ERBB4: variants seen among roughly 807,000 people sequenced by gnomAD.
The protein encoded by ERBB4 is erb-b2 receptor tyrosine kinase 4.
In ERBB4, 42 loss-of-function variants were observed where a neutral mutation model predicts 158.0. The ratio of observed to expected loss-of-function variants is 0.27; its 90% CI spans 0.21 to 0.34. ERBB4 has a LOEUF of 0.34. Among genes scored for constraint, ERBB4 ranks in the 10% least tolerant of loss-of-function variants. The pLI, the probability that ERBB4 is intolerant of heterozygous loss-of-function variation, is 1.00. For synonymous variants in ERBB4, 583 were observed against 558.7 expected (o/e 1.04, Z -0.61); for missense variants, 1,333 against 1,624.1 (o/e 0.82, Z 3.08).
rs80109488 is a variant in ERBB4, at chr2:211,550,937, C to T, written c.2487+10966G>A. Among the ~76,000 whole-genome samples, 1,090 of 150,932 alleles carry T rather than the reference C, an allele frequency of 7.2e-3. 15 individuals carry two copies. The highest frequency in any genetic ancestry group is 0.025 in the African/African-American group (1,032 of 41,206). On this transcript the variant is annotated intron_variant, in intron 20 of 27. Coordinates refer to ENST00000342788, the MANE Select transcript of ERBB4 (RefSeq NM_005235.3). ...CGCAAGAATTCCATTATTAGGTTCC[C>T]CCCGACCACCTTTTTTGTTGGGGGA... is the stretch of plus-strand genomic sequence containing the variant.
intron 14 of ERBB4, among the ~76,000 whole-genome samples, chr2:211,672,403 G>A (rs1185675303): frequency 3.3e-5 from 5 of 152,028 alleles, no homozygotes. Flanking sequence ...TCAAATGATG[G>A]AAACCAAAGA....
intron 5 of ERBB4, among the ~76,000 whole-genome samples, chr2:211,725,819 G>C (rs2074248001): frequency 7.0e-6 from 1 of 143,222 alleles, no homozygotes; most frequent in Non-Finnish European, 1.6e-5. Context: ...TTTACACGAG[G>C]AAAGAAAGGA....
At chr2:211,663,150 T>C (rs2105913469) in intron 15 of ERBB4, among the ~76,000 whole-genome samples, 1 of 152,314 alleles carries the variant, frequency 6.6e-6, no homozygotes, top group African/African-American at 2.4e-5. Context: ...TGAACTGCAA[T>C]AGAATTTATA....
chr2:212,118,823 G>A lies in ERBB4; in HGVS notation c.234+5929C>T, dbSNP rs369739013. Among the ~76,000 whole-genome samples, 6 of 152,012 alleles carry A rather than the reference G, an allele frequency of 3.9e-5. No individual in the cohort carries two copies. In the East Asian group the frequency reaches 7.7e-4, roughly 20 times the overall value. The stretch of plus-strand genomic sequence containing the variant: ...TAAAAGCAAATTATGTTTTTCAAAT[G>A]TGTTACCTTTTCATAATAACATGCA... On this transcript the variant is annotated intron_variant, in intron 2 of 27. Coordinates refer to ENST00000342788, the MANE Select transcript of ERBB4 (RefSeq NM_005235.3).
In ERBB4 at chr2:211,593,788, C is replaced by T. The variant is rs184433734; in HGVS notation, c.2301+25389G>A. Among the ~76,000 whole-genome samples the T allele has an allele frequency of 3.3e-5, 5 of 152,278 alleles. No homozygotes were observed. The East Asian group carries it at 9.7e-4, about 29-fold the overall frequency. Reference sequence around the variant, plus strand: ...TTTCAAGGAAAGACTTATCCGAGAGCGCTGCTGGCAAACAGCCTTCATTCA... The same window carrying T: ...TTTCAAGGAAAGACTTATCCGAGAGTGCTGCTGGCAAACAGCCTTCATTCA... On this transcript the variant is annotated intron_variant, in intron 19 of 27. Transcript: ENST00000342788.
chr2:211,806,315 G>T (rs1293625402), intron 3 of ERBB4, among the ~76,000 whole-genome samples: 1 of 152,162 alleles, frequency 6.6e-6, no homozygotes, highest in Admixed American at 6.5e-5. Flanking sequence ...GGGACACCGT[G>T]TGAAAAGTAG....
At chr2:212,238,945 T>C (rs1013743758) in intron 1 of ERBB4, among the ~76,000 whole-genome samples, 8 of 152,192 alleles carry the variant, frequency 5.3e-5, no homozygotes, top group African/African-American at 1.9e-4. Context: ...AAAGAATAAT[T>C]GAAAGAAAAC....
At chr2:212,429,749 G>C (rs2091986256) in intron 1 of ERBB4, among the ~76,000 whole-genome samples, 1 of 152,022 alleles carries the variant, frequency 6.6e-6, no homozygotes, top group Non-Finnish European at 1.5e-5. Flanking sequence ...AACCTGTCTA[G>C]GTCTGACCCC....
chr2:211,905,745 T>TGC (rs60188080), intron 3 of ERBB4, among the ~76,000 whole-genome samples: 9 of 51,208 alleles, frequency 1.8e-4, no homozygotes, highest in Admixed American at 9.1e-4. Context: ...CATGTGTGTG[T>TGC]ATATATATAT....
Position 211,623,949 on chromosome 2 carries a change from G to T in ERBB4, c.2175C>A (p.Gly725=), listed in dbSNP as rs755612625. 6.2e-7 allele frequency: 1 copy of T among 1,614,110 alleles called. No homozygotes were observed. Residue 725 remains glycine, a synonymous_variant, in exon 18 of 28, where the codon GGC becomes GGA. Coordinates refer to ENST00000342788, the MANE Select transcript of ERBB4 (RefSeq NM_005235.3). ...ETELKRVKVL[G]SGAFGTVYKG... is the part of the protein sequence containing the mutation. ...TATAAACCGTTCCAAAAGCACCTGAGCCAAGGACTTTTACCCTCTTCAGCT... is the reference window on the plus strand; with the variant it reads ...TATAAACCGTTCCAAAAGCACCTGATCCAAGGACTTTTACCCTCTTCAGCT...
chr2:211,922,619 A>G (rs1254820578), intron 3 of ERBB4, among the ~76,000 whole-genome samples: 1 of 152,018 alleles, frequency 6.6e-6, no homozygotes, highest in Non-Finnish European at 1.5e-5. Context: ...TGAGTAAATT[A>G]ATACATTGTT....
intron 2 of ERBB4, among the ~76,000 whole-genome samples, chr2:212,000,813 T>G (rs2076086250): frequency 6.6e-6 from 1 of 151,820 alleles, no homozygotes; most frequent in Non-Finnish European, 1.5e-5. Context: ...GTTACATGAA[T>G]CTACAAGGAG....
At chr2:212,405,585 G>A (rs2091322926) in intron 1 of ERBB4, among the ~76,000 whole-genome samples, 1 of 152,034 alleles carries the variant, frequency 6.6e-6, no homozygotes. Context: ...GTTCTAAATA[G>A]GACAGCCTGG....
chr2:211,805,790 G>GA lies in ERBB4; in HGVS notation c.422-17632dup, dbSNP rs995000439. Among the ~76,000 whole-genome samples the GA allele has an allele frequency of 4.0e-5, 6 of 150,988 alleles. No individual in the cohort carries two copies. The South Asian group carries it at 1.0e-3, about 26-fold the overall frequency. ...TAGTTCATATTCACAGATAATTTGA[G>GA]AAAAAAATACAAAAAAAATTCTATT... On this transcript the variant is annotated intron_variant, in intron 3 of 27. Coordinates refer to ENST00000342788, the MANE Select transcript of ERBB4 (RefSeq NM_005235.3).
chr2:212,054,552 G>C (rs1351738606), intron 2 of ERBB4, among the ~76,000 whole-genome samples: 3 of 152,120 alleles, frequency 2.0e-5, no homozygotes, highest in Admixed American at 2.0e-4. Flanking sequence ...GAAAAACTCA[G>C]GATAAAATGT....
chr2:211,428,861 G>C (rs1233484849), intron 21 of ERBB4, among the ~76,000 whole-genome samples: 1 of 151,802 alleles, frequency 6.6e-6, no homozygotes, highest in Admixed American at 6.6e-5. Context: ...GGACCACAGG[G>C]GTGCGCCACC....
intron 12 of ERBB4, among the ~76,000 whole-genome samples, chr2:211,687,523 ATGTT>A (rs1456962239): frequency 6.6e-5 from 10 of 151,302 alleles, no homozygotes; most frequent in African/African-American, 9.7e-5. Context: ...TTAGCATTGT[ATGTT>A]TGTTTGTTGT....
At position 211,679,056 on chromosome 2, in the gene ERBB4, C is replaced by T. The variant is rs866138670; in HGVS notation, c.1618G>A (p.Asp540Asn). 2 of 1,593,626 alleles carry T rather than the reference C, an allele frequency of 1.3e-6. No individual in the cohort carries two copies. Among genetic ancestry groups the T allele is most frequent in the Non-Finnish European group, 1.7e-6 (2 of 1,167,638 alleles). ...RICIESCNLY[D>N]GEFREFENGS... ...CAACCCTAGAAGAAGCCTTACCCAT[C>T]ATAGAGGTTACAAGACTCTATGCAG... is the stretch of plus-strand genomic sequence containing the variant. Residue 540 changes from aspartate to asparagine, a missense_variant, in exon 13 of 28, where the codon GAT becomes AAT. Physicochemically the swap from Asp to Asn is conservative, Grantham distance 23. This residue lies in a region of ERBB4 where 245 missense variants were observed against 247.5 expected (regional missense o/e 0.99). Coordinates refer to ENST00000342788, the MANE Select transcript of ERBB4 (RefSeq NM_005235.3).
At chr2:212,199,778 T>TA (rs77710177) in intron 1 of ERBB4, among the ~76,000 whole-genome samples, 2 of 151,930 alleles carry the variant, frequency 1.3e-5, no homozygotes, top group South Asian at 2.1e-4. Flanking sequence ...AGCTCATATT[T>TA]AAAAAAAAAA....
Sources: gnomAD v4.1 joint callset for allele counts (sites outside exome capture counted in the v4.1 genomes callset) on GRCh38, gnomAD v4.1.1 for gene constraint, gnomAD v4.1.1 regional missense constraint, MANE v1.5 for transcripts, NCBI Gene and HGNC (gene_info 2026-07-23, HGNC 2026-07-21) for gene names.